STPG2: variants seen among roughly 807,000 people sequenced by gnomAD.
STPG2 encodes the protein sperm tail PG-rich repeat containing 2.
A neutral mutation model predicts 54.2 loss-of-function variants in STPG2; 56 were observed. The ratio of observed to expected loss-of-function variants is 1.03; its 90% CI spans 0.83 to 1.29. STPG2 has a LOEUF of 1.29. Ranked by LOEUF, STPG2 falls within the 50% of genes most tolerant of loss-of-function variation. STPG2 has a pLI of 0.00. For synonymous variants in STPG2, 200 were observed against 181.8 expected, an observed-to-expected ratio of 1.10 and a Z score of -0.81; for missense variants, 596 against 544.9, an observed-to-expected ratio of 1.09 and a Z score of -0.93.
intron 5 of STPG2, among the ~76,000 whole-genome samples, chr4:98,020,762 C>G (rs1219285974): frequency 6.6e-6 from 1 of 152,120 alleles, no homozygotes; most frequent in Non-Finnish European, 1.5e-5. Flanking sequence ...TGTATGTGTC[C>G]AGGAATTTAT....
intron 10 of STPG2, among the ~76,000 whole-genome samples, chr4:97,681,913 T>C (rs981070945): frequency 6.6e-6 from 1 of 151,798 alleles, no homozygotes; most frequent in African/African-American, 2.4e-5. Context: ...GCTGATATAA[T>C]CAACTATCCA....
At chr4:97,451,997 C>T (rs1305088494) in intron 4 of STPG2, among the ~76,000 whole-genome samples, 1 of 151,660 alleles carries the variant, frequency 6.6e-6, no homozygotes, top group Non-Finnish European at 1.5e-5. Flanking sequence ...GATCTGGGGA[C>T]AAGCAGGAGT....
At chr4:97,505,783 T>A (rs1243553638) in intron 4 of STPG2, among the ~76,000 whole-genome samples, 2 of 151,788 alleles carry the variant, frequency 1.3e-5, no homozygotes, top group Admixed American at 1.3e-4. Context: ...GCATGCTGTA[T>A]CCTAAGTGGT....
At chr4:97,760,517 T>C (rs1282238749) in intron 9 of STPG2, among the ~76,000 whole-genome samples, 1 of 152,132 alleles carries the variant, frequency 6.6e-6, no homozygotes, top group Non-Finnish European at 1.5e-5. Context: ...CTTAAAACAG[T>C]AGGTTGAAAT....
At chr4:97,441,402 A>G (rs1003089149) in intron 4 of STPG2, 13 of 152,022 alleles carry the variant, frequency 8.6e-5, no homozygotes, top group African/African-American at 3.1e-4. Flanking sequence ...CGTATTTTTT[A>G]TCTCTAGATG....
At chr4:97,554,079 C>T (rs1732025492), downstream of STPG2, among the ~76,000 whole-genome samples, 1 of 152,164 alleles carries the variant, frequency 6.6e-6, no homozygotes, top group South Asian at 2.1e-4. Flanking sequence ...ACCTATGTTT[C>T]CATTTCCAAA....
intron 7 of STPG2, among the ~76,000 whole-genome samples, chr4:97,947,716 G>A (rs1174742149): frequency 1.3e-5 from 2 of 151,952 alleles, no homozygotes; most frequent in Admixed American, 6.6e-5. Flanking sequence ...TTACTGACAT[G>A]CTTATGTTAA....
At chr4:98,103,593 A>T (rs921566934) in intron 5 of STPG2, among the ~76,000 whole-genome samples, 1 of 152,080 alleles carries the variant, frequency 6.6e-6, no homozygotes, top group Non-Finnish European at 1.5e-5. Flanking sequence ...GTGAGCCGAG[A>T]TCGTACCATT....
chr4:97,728,792 G>T (rs1724700088), intron 9 of STPG2, among the ~76,000 whole-genome samples: 1 of 151,962 alleles, frequency 6.6e-6, no homozygotes, highest in African/African-American at 2.4e-5. Context: ...TCAGGCTACA[G>T]AAAATATTAT....
intron 8 of STPG2, among the ~76,000 whole-genome samples, chr4:97,863,576 G>A (rs1478898864): frequency 1.3e-5 from 2 of 152,112 alleles, no homozygotes; most frequent in Non-Finnish European, 2.9e-5. Context: ...GAATAAGAGG[G>A]AATCCTCCCT....
chr4:97,797,941 T>G (rs1308189085), intron 9 of STPG2, among the ~76,000 whole-genome samples: 6 of 152,212 alleles, frequency 3.9e-5, no homozygotes, highest in Non-Finnish European at 5.9e-5. Context: ...CAGGAACTTA[T>G]CCATTTCTTC....
At chr4:98,119,620 G>C (rs564890613) in intron 3 of STPG2, among the ~76,000 whole-genome samples, 1 of 149,954 alleles carries the variant, frequency 6.7e-6, no homozygotes, top group Admixed American at 6.6e-5. Flanking sequence ...TTTTTTTTAA[G>C]TTCCAGGGTA....
chr4:98,128,375 A>G, intron 3 of STPG2, 53 bp downstream of exon 3: 1 of 1,443,554 alleles, frequency 6.9e-7, no homozygotes, highest in East Asian at 2.4e-5. Flanking sequence ...AGAAACCCAT[A>G]TGTAAATCAT....
intron 10 of STPG2, among the ~76,000 whole-genome samples, chr4:97,645,185 A>G (rs556342295): frequency 1.3e-5 from 2 of 152,068 alleles, no homozygotes; most frequent in South Asian, 4.1e-4. Flanking sequence ...CAGATGGAGA[A>G]CTGAGCATGG....
chr4:97,887,779 G>A (rs1310904424), intron 8 of STPG2, among the ~76,000 whole-genome samples: 1 of 152,162 alleles, frequency 6.6e-6, no homozygotes, highest in African/African-American at 2.4e-5. Context: ...AGACTTCTAA[G>A]GAATTTCAGA....
At chr4:98,091,910 A>G in intron 5 of STPG2, among the ~76,000 whole-genome samples, 1 of 152,062 alleles carries the variant, frequency 6.6e-6, no homozygotes, top group East Asian at 1.9e-4. Context: ...TGATGGAGCA[A>G]GAAATTGAAT....
At chr4:97,757,452 C>G (rs1245013520) in intron 9 of STPG2, among the ~76,000 whole-genome samples, 1 of 152,184 alleles carries the variant, frequency 6.6e-6, no homozygotes, top group Non-Finnish European at 1.5e-5. Context: ...GCAATATGGT[C>G]TTAACTCAGG....
At chr4:97,683,908 C>G (rs901192867) in intron 10 of STPG2, among the ~76,000 whole-genome samples, 1 of 151,752 alleles carries the variant, frequency 6.6e-6, no homozygotes, top group African/African-American at 2.4e-5. Flanking sequence ...GCATCTATAG[C>G]AGAGTTGCAG....
At chr4:97,773,905 C>T (rs184643802) in intron 9 of STPG2, among the ~76,000 whole-genome samples, 1 of 151,942 alleles carries the variant, frequency 6.6e-6, no homozygotes, top group Admixed American at 6.6e-5. Flanking sequence ...GTCCCAGCTA[C>T]TTGTGAGGCT....
Sources: gnomAD v4.1 joint callset for allele counts (sites outside exome capture counted in the v4.1 genomes callset) on GRCh38, gnomAD v4.1.1 for gene constraint, MANE v1.5 for transcripts, NCBI Gene and HGNC (gene_info 2026-07-23, HGNC 2026-07-21) for gene names.